The following PRKCE variants were observed in gnomAD, a reference collection of about 807,000 sequenced individuals.
PRKCE encodes protein kinase C epsilon.
A neutral mutation model predicts 85.4 loss-of-function variants in PRKCE; 16 were observed. The observed-to-expected ratio is 0.19, with a 90% CI of 0.13 to 0.28. The LOEUF (loss-of-function observed/expected upper bound fraction) is 0.28, where lower values mean the gene tolerates loss of function less well. PRKCE is among the 10% of genes least tolerant of loss of function. The pLI, the probability that PRKCE is intolerant of heterozygous loss-of-function variation, is 1.00. For missense variants in PRKCE, 573 were observed against 975.2 expected, an observed-to-expected ratio of 0.59 and a Z score of 5.49; for synonymous variants, 388 against 371.5, an observed-to-expected ratio of 1.04 and a Z score of -0.51.
intron 1 of PRKCE, among the ~76,000 whole-genome samples, chr2:45,726,913 G>T (rs1163433723): frequency 6.6e-6 from 1 of 152,158 alleles, no homozygotes; most frequent in Non-Finnish European, 1.5e-5. Context: ...GTGACCTTGG[G>T]AAAACCACTT....
intron 1 of PRKCE, among the ~76,000 whole-genome samples, chr2:45,684,770 G>T (rs572542570): frequency 5.9e-5 from 9 of 152,290 alleles, no homozygotes; most frequent in African/African-American, 2.2e-4. Context: ...AGTGCTTTCT[G>T]TGACGTGTGT....
chr2:46,162,629 G>C (rs1193096343), intron 14 of PRKCE, among the ~76,000 whole-genome samples: 3 of 152,190 alleles, frequency 2.0e-5, no homozygotes. Flanking sequence ...GAAAAAGGAA[G>C]GCTAAAACGG....
chr2:46,183,590 T>C (rs891634553), intron 14 of PRKCE, among the ~76,000 whole-genome samples: 8 of 152,296 alleles, frequency 5.3e-5, no homozygotes, highest in Admixed American at 4.6e-4. Flanking sequence ...GCCTCTGCCA[T>C]TGGACTCCAG....
At chr2:46,124,529 A>T (rs1160883019) in intron 11 of PRKCE, among the ~76,000 whole-genome samples, 2 of 152,194 alleles carry the variant, frequency 1.3e-5, no homozygotes, top group East Asian at 1.9e-4. Context: ...ACCTCGTTTC[A>T]TGAGTTTCCT....
intron 10 of PRKCE, among the ~76,000 whole-genome samples, chr2:46,049,733 C>G (rs1190633633): frequency 6.6e-6 from 1 of 152,204 alleles, no homozygotes; most frequent in African/African-American, 2.4e-5. Flanking sequence ...TTCTAGAAAG[C>G]CTGCCTCAGT....
chr2:45,975,709 G>T (rs1022768980), intron 2 of PRKCE, among the ~76,000 whole-genome samples: 1 of 152,178 alleles, frequency 6.6e-6, no homozygotes, highest in African/African-American at 2.4e-5. Context: ...AGTTGGTGGG[G>T]CAGTCTCAGA....
chr2:46,043,372 A>T (rs1381514992), intron 10 of PRKCE, among the ~76,000 whole-genome samples: 1 of 152,210 alleles, frequency 6.6e-6, no homozygotes, highest in African/African-American at 2.4e-5. Context: ...CTTTCATTCC[A>T]GCAGTGAAGG....
intron 1 of PRKCE, among the ~76,000 whole-genome samples, chr2:45,740,843 A>G (rs1301464466): frequency 6.6e-6 from 1 of 152,216 alleles, no homozygotes; most frequent in Admixed American, 6.5e-5. Flanking sequence ...TTACAAGGAG[A>G]TACTGTATAA....
intron 1 of PRKCE, among the ~76,000 whole-genome samples, chr2:45,792,344 C>A (rs1221020960): frequency 2.6e-5 from 4 of 152,212 alleles, no homozygotes; most frequent in Admixed American, 2.0e-4. Context: ...GAGGCCCCAC[C>A]TCCCAACACC....
chr2:45,732,241 A>C (rs927719594), intron 1 of PRKCE, among the ~76,000 whole-genome samples: 9 of 152,182 alleles, frequency 5.9e-5, no homozygotes, highest in Non-Finnish European at 8.8e-5. Flanking sequence ...TCGGGAGGCT[A>C]GGGACAGACA....
At chr2:45,766,933 C>G (rs905020003) in intron 1 of PRKCE, among the ~76,000 whole-genome samples, 2 of 151,976 alleles carry the variant, frequency 1.3e-5, no homozygotes, top group African/African-American at 4.8e-5. Context: ...CCCAGCTACT[C>G]AGGAGGCTGA....
At chr2:45,918,571 A>G (rs1020047395) in intron 2 of PRKCE, among the ~76,000 whole-genome samples, 2 of 152,106 alleles carry the variant, frequency 1.3e-5, no homozygotes, top group African/African-American at 4.8e-5. Context: ...AACCACATAA[A>G]CCATTTTTCG....
chr2:45,985,304 C>G (rs139399120), intron 6 of PRKCE, among the ~76,000 whole-genome samples: 3 of 152,242 alleles, frequency 2.0e-5, no homozygotes, highest in African/African-American at 7.2e-5. Context: ...CCGTGCCACC[C>G]GCAAACAGCG....
At chr2:45,783,416 C>T (rs969230321) in intron 1 of PRKCE, among the ~76,000 whole-genome samples, 1 of 152,168 alleles carries the variant, frequency 6.6e-6, no homozygotes, top group Admixed American at 6.5e-5. Context: ...GGTTTTCTTT[C>T]TAGGAACAGG....
chr2:45,686,936 C>A lies in PRKCE; in HGVS notation c.348+34488C>A, dbSNP rs1418956733. ...CCTTCTGGAAAAACAAAAATTGGAT[C>A]TATACCTAGTTTCTTCTGCCAACAT... On this transcript the variant is annotated intron_variant, in intron 1 of 14. Transcript: ENST00000306156. Among the ~76,000 whole-genome samples the A allele has an allele frequency of 2.6e-5, 4 of 152,186 alleles. No individual in the cohort carries two copies. The South Asian group carries it at 6.2e-4, about 24-fold the overall frequency.
chr2:45,883,263 C>T (rs1695014069), intron 2 of PRKCE, among the ~76,000 whole-genome samples: 1 of 152,214 alleles, frequency 6.6e-6, no homozygotes, highest in Non-Finnish European at 1.5e-5. Context: ...ATTAACTGGT[C>T]ACTGAGCTTG....
At chr2:45,976,695 C>T (rs915457595) in intron 3 of PRKCE, 107 bp downstream of exon 3, 40 of 1,314,842 alleles carry the variant, frequency 3.0e-5, no homozygotes, top group South Asian at 8.2e-5. Flanking sequence ...TGGTGTGCCT[C>T]GTTTCTTCCT....
intron 1 of PRKCE, among the ~76,000 whole-genome samples, chr2:45,748,905 T>TC (rs397775672): frequency 2.6e-5 from 4 of 151,434 alleles, no homozygotes; most frequent in Non-Finnish European, 4.4e-5. Context: ...TTTTTTTTTT[T>TC]CTCAGACTGA....
At chr2:45,893,939 C>G (rs1695935828) in intron 2 of PRKCE, among the ~76,000 whole-genome samples, 1 of 152,132 alleles carries the variant, frequency 6.6e-6, no homozygotes, top group African/African-American at 2.4e-5. Flanking sequence ...CCTAGCCTCT[C>G]TGTTTCCGGG....
Sources: gnomAD v4.1 joint callset for allele counts (sites outside exome capture counted in the v4.1 genomes callset) on GRCh38, gnomAD v4.1.1 for gene constraint, MANE v1.5 for transcripts, NCBI Gene and HGNC (gene_info 2026-07-23, HGNC 2026-07-21) for gene names.